Variants in MAGI2 observed in about 807,000 individuals in gnomAD.
MAGI2 encodes membrane associated guanylate kinase, WW and PDZ domain containing 2.
MAGI2 carries 35 observed loss-of-function variants against 133.3 expected under a neutral mutation model. That is an observed-to-expected ratio of 0.26 (90% CI 0.20 to 0.35). The LOEUF is 0.35. MAGI2 is among the 10% of genes least tolerant of loss of function. The pLI, the probability that MAGI2 is intolerant of heterozygous loss-of-function variation, is 1.00. For synonymous variants in MAGI2, 729 were observed against 710.6 expected, an observed-to-expected ratio of 1.03 and a Z score of -0.41; for missense variants, 1,636 against 1,863.4, an observed-to-expected ratio of 0.88 and a Z score of 2.25.
At chr7:78,616,294 C>T (rs568642770) in intron 3 of MAGI2, 7 of 152,238 alleles carry the variant, frequency 4.6e-5, no homozygotes, top group African/African-American at 1.7e-4. Context: ...TAACTCTCCA[C>T]TGACTTTCTG....
rs182041175 is a variant in MAGI2 at position 79,279,168 on chromosome 7, T to C, written c.301+173852A>G. 2.8e-3 allele frequency among the ~76,000 whole-genome samples: 422 copies of C among 152,298 alleles called. 3 individuals are homozygous for C. Among genetic ancestry groups the C allele is most frequent in the African/African-American group, 9.3e-3 (386 of 41,580 alleles). ...TGAAGCGTGGTTCTTTGGCTTCTTC[T>C]GAGTTTTTACAGGCTTCTCTCCTTA... On this transcript the variant is annotated intron_variant, in intron 1 of 21. Transcript: ENST00000354212.
chr7:79,329,895 T>A (rs961448249), intron 1 of MAGI2, among the ~76,000 whole-genome samples: 3 of 152,208 alleles, frequency 2.0e-5, no homozygotes, highest in Non-Finnish European at 4.4e-5. Flanking sequence ...TTAATAGTTC[T>A]GAATTCCAAC....
At chr7:78,047,804 C>A (rs1011845297) in intron 21 of MAGI2, among the ~76,000 whole-genome samples, 2 of 152,238 alleles carry the variant, frequency 1.3e-5, no homozygotes, top group South Asian at 4.1e-4. Context: ...ACCTTACATT[C>A]CAGTCACACT....
At chr7:79,142,020 T>C (rs932806950) in intron 1 of MAGI2, among the ~76,000 whole-genome samples, 2 of 152,152 alleles carry the variant, frequency 1.3e-5, no homozygotes, top group Non-Finnish European at 2.9e-5. Context: ...CATACACAAA[T>C]GTTGGTTGGG....
chr7:78,640,631 A>G (rs1810191781), intron 2 of MAGI2, among the ~76,000 whole-genome samples: 1 of 152,126 alleles, frequency 6.6e-6, no homozygotes, highest in Admixed American at 6.5e-5. Context: ...GTGAATACCA[A>G]CCAGTAGCAT....
chr7:78,649,507 T>C (rs1369626030), intron 2 of MAGI2, among the ~76,000 whole-genome samples: 1 of 152,180 alleles, frequency 6.6e-6, no homozygotes, highest in Non-Finnish European at 1.5e-5. Context: ...ATCCAAATCT[T>C]ATGAATATTT....
intron 1 of MAGI2, among the ~76,000 whole-genome samples, chr7:79,118,983 A>C (rs1584970192): frequency 6.6e-6 from 1 of 152,290 alleles, no homozygotes; most frequent in East Asian, 1.9e-4. Context: ...TTTAGATAGA[A>C]GTTGAAATGA....
At chr7:78,268,950 G>A (rs192620569) in intron 9 of MAGI2, among the ~76,000 whole-genome samples, 1,742 of 152,062 alleles carry the variant, frequency 0.011, 19 homozygotes, top group Non-Finnish European at 0.014. Flanking sequence ...CCCACCCACT[G>A]ACAAGCCCCG....
intron 4 of MAGI2, among the ~76,000 whole-genome samples, chr7:78,514,620 A>G (rs1026353068): frequency 2.6e-5 from 4 of 152,190 alleles, no homozygotes; most frequent in Admixed American, 1.3e-4. Flanking sequence ...GTGAACCCAC[A>G]CAAAAATAAG....
At chr7:79,022,966 A>G (rs904045917) in intron 1 of MAGI2, among the ~76,000 whole-genome samples, 2 of 152,192 alleles carry the variant, frequency 1.3e-5, no homozygotes, top group Non-Finnish European at 2.9e-5. Flanking sequence ...AGGAGAAAAG[A>G]TTCCTCCCTA....
chr7:78,537,815 T>TA (rs61662490), intron 3 of MAGI2, among the ~76,000 whole-genome samples: 150,723 of 152,288 alleles, frequency 0.99, 74,597 homozygotes, highest in Middle Eastern at 1. Flanking sequence ...CTCTGCTGAT[T>TA]TTTATTTTGC....
intron 2 of MAGI2, among the ~76,000 whole-genome samples, chr7:78,891,301 A>T (rs183647267): frequency 1.6e-4 from 24 of 152,322 alleles, no homozygotes; most frequent in Non-Finnish European, 2.6e-4. Context: ...CCAAAGGTAC[A>T]AGGAGGAGCT....
chr7:78,415,536 G>C (rs893302936), intron 6 of MAGI2, among the ~76,000 whole-genome samples: 1 of 152,072 alleles, frequency 6.6e-6, no homozygotes, highest in Non-Finnish European at 1.5e-5. Flanking sequence ...TAGGTTGATG[G>C]AAGGGAAATA....
At chr7:78,742,817 A>G (rs1822559356) in intron 2 of MAGI2, among the ~76,000 whole-genome samples, 1 of 152,160 alleles carries the variant, frequency 6.6e-6, no homozygotes, top group African/African-American at 2.4e-5. Context: ...AGAAAAATCG[A>G]TTCAGCTTCC....
At chr7:79,264,530 A>G (rs1046884868) in intron 1 of MAGI2, among the ~76,000 whole-genome samples, 1 of 152,164 alleles carries the variant, frequency 6.6e-6, no homozygotes, top group East Asian at 1.9e-4. Flanking sequence ...CTTACTACAC[A>G]TGTAAATTTT....
At chr7:78,745,080 A>G (rs569529020) in intron 2 of MAGI2, among the ~76,000 whole-genome samples, 1 of 152,330 alleles carries the variant, frequency 6.6e-6, no homozygotes, top group Non-Finnish European at 1.5e-5. Flanking sequence ...GCACCAAGTC[A>G]ACCAACTTAT....
chr7:78,780,646 G>T (rs957735332), intron 2 of MAGI2, among the ~76,000 whole-genome samples: 6 of 152,100 alleles, frequency 3.9e-5, no homozygotes. Flanking sequence ...TGTAACTTTT[G>T]AATGAATACT....
intron 9 of MAGI2, among the ~76,000 whole-genome samples, chr7:78,318,019 C>G (rs547988193): frequency 6.6e-6 from 1 of 152,290 alleles, no homozygotes; most frequent in South Asian, 2.1e-4. Context: ...TGAGGAGAAA[C>G]CAGCGCAAAA....
chr7:78,893,425 G>T (rs920237902), intron 2 of MAGI2, among the ~76,000 whole-genome samples: 4 of 152,060 alleles, frequency 2.6e-5, no homozygotes, highest in Non-Finnish European at 2.9e-5. Context: ...AAAGACACAG[G>T]CACACGTATG....
Sources: gnomAD v4.1 joint callset for allele counts (sites outside exome capture counted in the v4.1 genomes callset) on GRCh38, gnomAD v4.1.1 for gene constraint, MANE v1.5 for transcripts, NCBI Gene and HGNC (gene_info 2026-07-23, HGNC 2026-07-21) for gene names.